GLDC: variants seen among roughly 807,000 people sequenced by gnomAD.
The protein encoded by GLDC is glycine dehydrogenase (decarboxylating), mitochondrial.
A neutral mutation model predicts 121.3 loss-of-function variants in GLDC; 104 were observed. The ratio of observed to expected loss-of-function variants is 0.86; its 90% CI spans 0.73 to 1.01. GLDC has a LOEUF of 1.01. Ranked by LOEUF, GLDC falls within the 50% of genes least tolerant of loss-of-function variation. The probability of loss-of-function intolerance (pLI) is 0.00; values close to 1 mark genes in which losing one functional copy is unlikely to be tolerated. For missense variants in GLDC, 1,429 were observed against 1,306.6 expected, an observed-to-expected ratio of 1.09 and a Z score of -1.44; for synonymous variants, 546 against 480.6, an observed-to-expected ratio of 1.14 and a Z score of -1.78.
intron 2 of GLDC, among the ~76,000 whole-genome samples, chr9:6,626,197 A>G (rs7860255): frequency 0.24 from 35,125 of 148,316 alleles, 4,053 homozygotes; most frequent in South Asian, 0.31. Context: ...TAGGAAAGGT[A>G]GGGTTAAAGT....
intron 15 of GLDC, among the ~76,000 whole-genome samples, chr9:6,578,003 C>T (rs979956136): frequency 6.6e-6 from 1 of 152,010 alleles, no homozygotes; most frequent in Admixed American, 6.6e-5. Context: ...CAGCCTCAAC[C>T]TCCTGGGCTC....
intron 15 of GLDC, among the ~76,000 whole-genome samples, chr9:6,577,723 G>A (rs145503164): frequency 6.3e-4 from 96 of 151,660 alleles, no homozygotes; most frequent in Non-Finnish European, 1.0e-3. Flanking sequence ...GCAGTTTTAC[G>A]CAGCTAACAT....
At chr9:6,544,384 C>G (rs139226467) in intron 21 of GLDC, among the ~76,000 whole-genome samples, 1 of 152,000 alleles carries the variant, frequency 6.6e-6, no homozygotes, top group Non-Finnish European at 1.5e-5. Flanking sequence ...CAGGCAAAGT[C>G]GCTGTTTGTC....
intron 15 of GLDC, among the ~76,000 whole-genome samples, chr9:6,571,804 G>A (rs1457604430): frequency 1.3e-5 from 2 of 152,070 alleles, no homozygotes; most frequent in African/African-American, 4.8e-5. Context: ...CAAATAAGTG[G>A]GGACTATCAT....
intron 21 of GLDC, among the ~76,000 whole-genome samples, chr9:6,543,970 G>A (rs1817329838): frequency 6.6e-6 from 1 of 152,268 alleles, no homozygotes; most frequent in South Asian, 2.1e-4. Context: ...TATGTTGATT[G>A]TCTTCTGAGG....
intron 2 of GLDC, among the ~76,000 whole-genome samples, chr9:6,629,957 A>ATATATATATTTT: frequency 2.4e-5 from 2 of 83,096 alleles, no homozygotes; most frequent in African/African-American, 6.9e-5. Flanking sequence ...ATATATATAT[A>ATATATATATTTT]TTTTTTTTTT....
chr9:6,637,742 C>T (rs1475754931), intron 2 of GLDC, among the ~76,000 whole-genome samples: 1 of 152,140 alleles, frequency 6.6e-6, no homozygotes, highest in Non-Finnish European at 1.5e-5. Flanking sequence ...GCTAGGATTA[C>T]AGGCATGAGC....
chr9:6,565,591 G>C, intron 15 of GLDC, 162 bp from the exon 16 acceptor site: 1 of 702,184 alleles, frequency 1.4e-6, no homozygotes, highest in South Asian at 1.5e-5. Context: ...GGAGTCAAAA[G>C]GTCTTGAACA....
At chr9:6,602,049 G>A (rs1243412795) in intron 8 of GLDC, 60 bp downstream of exon 8, 6 of 983,580 alleles carry the variant, frequency 6.1e-6, no homozygotes, top group Non-Finnish European at 9.9e-6. Context: ...ATGAATGAAT[G>A]AGTAGCTCAT....
chr9:6,562,124 G>C (rs1382741589), intron 16 of GLDC, among the ~76,000 whole-genome samples: 2 of 152,272 alleles, frequency 1.3e-5, no homozygotes, highest in Middle Eastern at 3.4e-3. Flanking sequence ...AGTAAGTCAG[G>C]ATTTGACTGA....
At chr9:6,633,006 G>A (rs1331570772) in intron 2 of GLDC, among the ~76,000 whole-genome samples, 4 of 151,780 alleles carry the variant, frequency 2.6e-5, no homozygotes, top group East Asian at 1.9e-4. Flanking sequence ...AAGGGTCCTC[G>A]CCACCCAGAT....
At chr9:6,600,625 G>T (rs560675663) in intron 8 of GLDC, among the ~76,000 whole-genome samples, 4 of 151,638 alleles carry the variant, frequency 2.6e-5, no homozygotes, top group African/African-American at 9.7e-5. Flanking sequence ...AGCCAAGATT[G>T]CGCCACCCCA....
At position 6,592,993 on chromosome 9, in the gene GLDC, A is replaced by C; in HGVS notation, c.1262-3T>G. The C allele has an allele frequency of 1.2e-6, 2 of 1,613,980 alleles. No homozygotes were observed. Among genetic ancestry groups the C allele is most frequent in the Non-Finnish European group, 1.7e-6 (2 of 1,179,856 alleles). ...TTGATGCCCTGCTCGCTTGAGACCT[A>C]CACAAGATAGGAGATCCCCCAAACT... On this transcript the variant is annotated splice_region_variant and splice_polypyrimidine_tract_variant and intron_variant, in intron 9 of 24. Transcript: ENST00000321612.
chr9:6,560,730 C>T (rs1016040713), intron 16 of GLDC, among the ~76,000 whole-genome samples: 9 of 152,166 alleles, frequency 5.9e-5, no homozygotes, highest in African/African-American at 2.2e-4. Context: ...AAACGTCAAC[C>T]ACCCTGTGGT....
intron 3 of GLDC, among the ~76,000 whole-genome samples, chr9:6,617,568 A>G (rs766985753): frequency 6.6e-6 from 1 of 152,240 alleles, no homozygotes; most frequent in African/African-American, 2.4e-5. Flanking sequence ...AGAAGCCTTC[A>G]TCAATGCAAA....
At chr9:6,622,907 T>G (rs541049523) in intron 2 of GLDC, 14 of 201,906 alleles carry the variant, frequency 6.9e-5, no homozygotes, top group Non-Finnish European at 1.3e-4. Flanking sequence ...CGGTCTGGGA[T>G]GTGAGGAGCA....
rs1439190933 is a variant in GLDC at position 6,599,500 on chromosome 9, A to G, written c.1155+2609T>C. Reference sequence around the variant, plus strand: ...CACTTTGGGAGGCCGAGGTGGGCAGATCATGAGATCAGGAGTTCGAGACCA... The same window carrying G: ...CACTTTGGGAGGCCGAGGTGGGCAGGTCATGAGATCAGGAGTTCGAGACCA... On this transcript the variant is annotated intron_variant, in intron 8 of 24. Coordinates refer to ENST00000321612, the MANE Select transcript of GLDC (RefSeq NM_000170.3). Among the ~76,000 whole-genome samples the G allele has an allele frequency of 2.6e-5, 4 of 152,116 alleles. No individual in the cohort carries two copies. In the East Asian group the frequency reaches 7.8e-4, roughly 29 times the overall value.
chr9:6,533,561 T>C (rs939299242), intron 24 of GLDC, among the ~76,000 whole-genome samples: 1 of 152,214 alleles, frequency 6.6e-6, no homozygotes, highest in African/African-American at 2.4e-5. Context: ...TCAGTTGATT[T>C]AAAAGTTAAT....
chr9:6,600,652 G>A (rs892841948), intron 8 of GLDC, among the ~76,000 whole-genome samples: 1 of 150,706 alleles, frequency 6.6e-6, no homozygotes, highest in African/African-American at 2.4e-5. Flanking sequence ...CCTGGGTGAC[G>A]CAGGAACAGG....
Sources: gnomAD v4.1 joint callset for allele counts (sites outside exome capture counted in the v4.1 genomes callset) on GRCh38, gnomAD v4.1.1 for gene constraint, MANE v1.5 for transcripts, NCBI Gene and HGNC (gene_info 2026-07-23, HGNC 2026-07-21) for gene names.